Variants in LRRC4C observed in about 807,000 individuals in gnomAD.
The protein encoded by LRRC4C is leucine rich repeat containing 4C, also known as leucine-rich repeat-containing protein 4C.
LRRC4C carries 5 observed loss-of-function variants against 33.6 expected under a neutral mutation model. The observed-to-expected ratio is 0.15, with a 90% CI of 0.08 to 0.31. The LOEUF (loss-of-function observed/expected upper bound fraction) is 0.31. LRRC4C is among the 10% of genes least tolerant of loss of function. The probability of loss-of-function intolerance (pLI) is 1.00; values close to 1 mark genes in which losing one functional copy is unlikely to be tolerated. For missense variants in LRRC4C, 560 were observed against 796.7 expected (o/e 0.70, Z 3.58); for synonymous variants, 329 against 302.0 (o/e 1.09, Z -0.93).
chr11:40,752,849 G>A (rs2137003036), intron 2 of LRRC4C, among the ~76,000 whole-genome samples: 1 of 152,120 alleles, frequency 6.6e-6, no homozygotes, highest in Admixed American at 6.6e-5. Flanking sequence ...ATTCACAAAA[G>A]CCAACATACG....
chr11:40,179,015 T>C (rs1232324461), intron 5 of LRRC4C, among the ~76,000 whole-genome samples: 1 of 151,926 alleles, frequency 6.6e-6, no homozygotes, highest in Non-Finnish European at 1.5e-5. Context: ...TCTTTCTTTT[T>C]TTTTTTTTAG....
chr11:40,359,089 G>T (rs916615669), intron 3 of LRRC4C, among the ~76,000 whole-genome samples: 20 of 152,184 alleles, frequency 1.3e-4, no homozygotes, highest in African/African-American at 4.8e-4. Flanking sequence ...AGGAAAGCTG[G>T]TGTTTCTCCC....
intron 2 of LRRC4C, among the ~76,000 whole-genome samples, chr11:40,888,844 T>G (rs1429941926): frequency 2.6e-5 from 4 of 152,022 alleles, no homozygotes; most frequent in Non-Finnish European, 5.9e-5. Flanking sequence ...AATGGCCCTG[T>G]GCTGCCAATA....
intron 4 of LRRC4C, among the ~76,000 whole-genome samples, chr11:40,275,695 C>T (rs1028935242): frequency 6.6e-6 from 1 of 151,994 alleles, no homozygotes; most frequent in Non-Finnish European, 1.5e-5. Context: ...GTTGGCTGGC[C>T]CCAAGTGGAG....
chr11:40,987,242 G>A (rs1461951380), intron 1 of LRRC4C, among the ~76,000 whole-genome samples: 1 of 152,126 alleles, frequency 6.6e-6, no homozygotes, highest in Admixed American at 6.5e-5. Context: ...AGATGGAGAA[G>A]CTAAATCTCA....
chr11:40,769,590 C>A (rs988923314), intron 2 of LRRC4C, among the ~76,000 whole-genome samples: 1 of 152,120 alleles, frequency 6.6e-6, no homozygotes, highest in Admixed American at 6.6e-5. Context: ...TATTACAGAG[C>A]TATTGTAACC....
chr11:40,943,892 C>T (rs575498196), intron 1 of LRRC4C, among the ~76,000 whole-genome samples: 15 of 152,290 alleles, frequency 9.8e-5, no homozygotes, highest in Admixed American at 7.8e-4. Context: ...TCTCCCTCTT[C>T]CCCAATTTCA....
At chr11:40,869,045 G>A (rs868031871) in intron 2 of LRRC4C, among the ~76,000 whole-genome samples, 18 of 149,830 alleles carry the variant, frequency 1.2e-4, no homozygotes, top group Admixed American at 2.0e-4. Flanking sequence ...ATCTCATTCA[G>A]CCTTGAAGAC....
intron 1 of LRRC4C, among the ~76,000 whole-genome samples, chr11:41,348,883 C>G (rs1951884471): frequency 6.6e-6 from 1 of 152,160 alleles, no homozygotes; most frequent in Admixed American, 6.5e-5. Context: ...GGGAGAACTT[C>G]CCAGATAGTT....
chr11:41,452,150 A>T (rs765835254), intron 1 of LRRC4C, among the ~76,000 whole-genome samples: 3 of 152,076 alleles, frequency 2.0e-5, no homozygotes, highest in Non-Finnish European at 2.9e-5. Context: ...GGGTCAAGGT[A>T]TATATGGTCA....
chr11:40,849,526 G>A (rs185669016), intron 2 of LRRC4C, among the ~76,000 whole-genome samples: 110 of 152,268 alleles, frequency 7.2e-4, no homozygotes, highest in Non-Finnish European at 1.1e-3. Context: ...AGTCTGATGG[G>A]CTTCTTTTTG....
chr11:40,168,341 G>T (rs1859768067), intron 5 of LRRC4C, among the ~76,000 whole-genome samples: 1 of 152,138 alleles, frequency 6.6e-6, no homozygotes. Context: ...AGGGGTTCTG[G>T]GTAGGGTTGC....
intron 2 of LRRC4C, among the ~76,000 whole-genome samples, chr11:40,847,638 G>A (rs1458640438): frequency 6.6e-6 from 1 of 152,140 alleles, no homozygotes; most frequent in Admixed American, 6.6e-5. Context: ...CCAGGTTTTA[G>A]TATCGTGATG....
intron 3 of LRRC4C, among the ~76,000 whole-genome samples, chr11:40,491,313 G>A (rs1162249389): frequency 1.3e-5 from 2 of 152,050 alleles, no homozygotes; most frequent in Non-Finnish European, 2.9e-5. Context: ...AATGGGAGAA[G>A]CCATGTTGAT....
At chr11:40,531,411 A>G (rs1373028424) in intron 3 of LRRC4C, among the ~76,000 whole-genome samples, 1 of 152,118 alleles carries the variant, frequency 6.6e-6, no homozygotes, top group East Asian at 1.9e-4. Flanking sequence ...AGGGACTGTG[A>G]TATGTAAACC....
At chr11:40,700,842 GAAAATAAAAT>G (rs1280473206) in intron 2 of LRRC4C, among the ~76,000 whole-genome samples, 1 of 152,058 alleles carries the variant, frequency 6.6e-6, no homozygotes, top group East Asian at 1.9e-4. Flanking sequence ...AAAAGCCACA[GAAAATAAAAT>G]AAAATAAGTA....
chr11:40,329,412 G>A (rs997977568), intron 3 of LRRC4C, among the ~76,000 whole-genome samples: 11 of 152,210 alleles, frequency 7.2e-5, no homozygotes, highest in African/African-American at 2.4e-4. Flanking sequence ...TGCCACGTGA[G>A]TCATGCTGGA....
chr11:41,442,636 AT>A (rs1955671627), intron 1 of LRRC4C, among the ~76,000 whole-genome samples: 1 of 151,114 alleles, frequency 6.6e-6, no homozygotes, highest in African/African-American at 2.4e-5. Flanking sequence ...CGCCCAGCTA[AT>A]TTTTTGTATT....
intron 2 of LRRC4C, among the ~76,000 whole-genome samples, chr11:40,786,175 C>G (rs1299084571): frequency 6.6e-6 from 1 of 152,094 alleles, no homozygotes; most frequent in Admixed American, 6.6e-5. Context: ...AATTATTGGT[C>G]CAAAATATTC....
Sources: allele counts gnomAD v4.1 joint callset (sites outside exome capture counted in the v4.1 genomes callset), GRCh38; gene constraint gnomAD v4.1.1; transcripts MANE v1.5; gene names NCBI Gene and HGNC (gene_info 2026-07-23, HGNC 2026-07-21).